MAP4K3: variants seen among roughly 807,000 people sequenced by gnomAD.
The protein encoded by MAP4K3 is MAPK/ERK kinase kinase kinase 3.
A neutral mutation model predicts 143.5 loss-of-function variants in MAP4K3; 94 were observed. That is an observed-to-expected ratio of 0.65 (90% CI 0.55 to 0.78). The LOEUF is 0.78. MAP4K3 is among the 30% of genes least tolerant of loss of function. The pLI is 0.00. For synonymous variants in MAP4K3, 416 were observed against 347.2 expected (o/e 1.20, Z -2.20); for missense variants, 1,077 against 1,068.1 (o/e 1.01, Z -0.12).
At chr2:39,343,727 A>G (rs1411369914) in intron 3 of MAP4K3, among the ~76,000 whole-genome samples, 3 of 152,154 alleles carry the variant, frequency 2.0e-5, no homozygotes. Context: ...CCCTTTAGTT[A>G]AAAACTTCTC....
chr2:39,334,973 G>C (rs1421799679), intron 6 of MAP4K3, among the ~76,000 whole-genome samples: 1 of 152,164 alleles, frequency 6.6e-6, no homozygotes, highest in Non-Finnish European at 1.5e-5. Flanking sequence ...TAAGGGTACA[G>C]AGCCACACCA....
chr2:39,413,400 A>G (rs1667283012), intron 1 of MAP4K3, among the ~76,000 whole-genome samples: 1 of 152,122 alleles, frequency 6.6e-6, no homozygotes, highest in African/African-American at 2.4e-5. Context: ...GGGGGCAATT[A>G]AGGCAGAAGT....
At chr2:39,320,471 T>A (rs1558644754) in intron 12 of MAP4K3, among the ~76,000 whole-genome samples, 1 of 152,174 alleles carries the variant, frequency 6.6e-6, no homozygotes, top group Non-Finnish European at 1.5e-5. Flanking sequence ...CTAAATGGGT[T>A]AATGATTTAT....
At chr2:39,394,834 T>C (rs1205026901) in intron 1 of MAP4K3, among the ~76,000 whole-genome samples, 1 of 152,174 alleles carries the variant, frequency 6.6e-6, no homozygotes, top group Admixed American at 6.5e-5. Flanking sequence ...AACTAGTTTC[T>C]ATCACCCTTT....
chr2:39,426,391 G>A (rs911896035), intron 1 of MAP4K3, among the ~76,000 whole-genome samples: 2 of 151,808 alleles, frequency 1.3e-5, no homozygotes, highest in African/African-American at 4.8e-5. Context: ...GACATTACTG[G>A]GACTCCTGAA....
intron 3 of MAP4K3, among the ~76,000 whole-genome samples, chr2:39,350,143 C>T (rs1665411019): frequency 6.6e-6 from 1 of 152,206 alleles, no homozygotes; most frequent in Admixed American, 6.5e-5. Flanking sequence ...AAAAAAGTAT[C>T]TGGCCTTAAG....
At chr2:39,290,036 G>A (rs961574816) in intron 19 of MAP4K3, among the ~76,000 whole-genome samples, 1 of 144,924 alleles carries the variant, frequency 6.9e-6, no homozygotes, top group African/African-American at 2.7e-5. Flanking sequence ...GCAGTGAACC[G>A]AGATCATGCC....
intron 1 of MAP4K3, among the ~76,000 whole-genome samples, chr2:39,387,120 T>A (rs1008580029): frequency 6.6e-6 from 1 of 152,192 alleles, no homozygotes; most frequent in African/African-American, 2.4e-5. Context: ...CCCGGCCGAT[T>A]ATTGTAGTTT....
At position 39,290,402 on chromosome 2, in the gene MAP4K3, A is replaced by AC. The variant is rs1553406532; in HGVS notation, c.1272-69_1272-68insG. ...AATGAATCAATCCTAAAATATAATA[A>AC]TTTTTTCAAAGACACATAAAAAAGC... On this transcript the variant is annotated intron_variant, in intron 18 of 33. Transcript: ENST00000263881. 3.0e-6 allele frequency: 3 copies of AC among 1,016,070 alleles called. No homozygotes were observed. In the Admixed American group the frequency reaches 7.6e-5, roughly 26 times the overall value. The allele number at this position is 1,016,070 out of a possible 1,614,324, so 62.9% of individuals were successfully genotyped here. A position where few individuals can be genotyped will look rare whatever the true frequency, so the allele number is the denominator to read the frequency against.
At chr2:39,270,952 G>T (rs1417934551) in intron 26 of MAP4K3, among the ~76,000 whole-genome samples, 1 of 151,916 alleles carries the variant, frequency 6.6e-6, no homozygotes, top group Non-Finnish European at 1.5e-5. Context: ...CATATTTGTG[G>T]CTGTTACTAT....
intron 5 of MAP4K3, 34 bp from the exon 6 acceptor site, chr2:39,337,001 T>G: frequency 1.8e-6 from 2 of 1,132,538 alleles, no homozygotes. Context: ...ATAAACAAGA[T>G]TTTATCAAAG....
At chr2:39,429,153 G>C (rs1054200747) in intron 1 of MAP4K3, among the ~76,000 whole-genome samples, 1 of 149,042 alleles carries the variant, frequency 6.7e-6, no homozygotes, top group Non-Finnish European at 1.5e-5. Context: ...GAAACTACTA[G>C]TACAATGAGA....
intron 1 of MAP4K3, among the ~76,000 whole-genome samples, chr2:39,409,643 C>G (rs1381637724): frequency 6.6e-6 from 1 of 152,028 alleles, no homozygotes; most frequent in Non-Finnish European, 1.5e-5. Flanking sequence ...ATGCAGAGAA[C>G]AGAAATCGGA....
chr2:39,378,020 C>A, intron 2 of MAP4K3, 46 bp downstream of exon 2: 1 of 1,091,162 alleles, frequency 9.2e-7, no homozygotes, highest in South Asian at 1.3e-5. Flanking sequence ...TTAAGATATC[C>A]CATGGCTTTC....
intron 1 of MAP4K3, among the ~76,000 whole-genome samples, chr2:39,418,613 CG>C (rs913541453): frequency 1.3e-5 from 2 of 151,828 alleles, no homozygotes; most frequent in Admixed American, 1.3e-4. Flanking sequence ...TTAACATTGC[CG>C]GTGATCAAAG....
Position 39,351,873 on chromosome 2 carries a change from G to A in MAP4K3, c.245+4376C>T, listed in dbSNP as rs562042996. ...TTAATAGAGATGGGAGTTTTGCCAC[G>A]TTGGCCAGGCTAATCTCAAACTCCT... On this transcript the variant is annotated intron_variant, in intron 3 of 33. Transcript: ENST00000263881. Among the ~76,000 whole-genome samples the A allele has an allele frequency of 3.9e-5, 6 of 152,180 alleles. No homozygotes were observed. In the East Asian group the frequency reaches 5.8e-4, roughly 15 times the overall value.
chr2:39,414,650 C>T (rs940369860), intron 1 of MAP4K3, among the ~76,000 whole-genome samples: 9 of 152,008 alleles, frequency 5.9e-5, no homozygotes, highest in African/African-American at 1.4e-4. Context: ...CCCAGGTGGG[C>T]GGATCACGAC....
intron 1 of MAP4K3, among the ~76,000 whole-genome samples, chr2:39,399,112 C>T (rs1334272755): frequency 1.3e-5 from 2 of 151,574 alleles, no homozygotes; most frequent in African/African-American, 2.4e-5. Flanking sequence ...ACTTATCAAC[C>T]TGCTCACACG....
At chr2:39,434,970 G>A (rs185828348) in intron 1 of MAP4K3, among the ~76,000 whole-genome samples, 1 of 151,972 alleles carries the variant, frequency 6.6e-6, no homozygotes, top group African/African-American at 2.4e-5. Context: ...TAATCATGTG[G>A]CTTAACTACT....
Sources: gnomAD v4.1 joint callset for allele counts (sites outside exome capture counted in the v4.1 genomes callset) on GRCh38, gnomAD v4.1.1 for gene constraint, MANE v1.5 for transcripts, NCBI Gene and HGNC (gene_info 2026-07-23, HGNC 2026-07-21) for gene names.